TTC21B: variants seen among roughly 807,000 people sequenced by gnomAD.
TTC21B encodes the protein tetratricopeptide repeat domain 21B, also known as tetratricopeptide repeat protein 21B.
In TTC21B, 127 loss-of-function variants were observed where a neutral mutation model predicts 175.1. The observed-to-expected ratio is 0.73, with a 90% CI of 0.63 to 0.84. The LOEUF is 0.84. TTC21B is among the 40% of genes least tolerant of loss of function. TTC21B has a pLI of 0.00. For missense variants in TTC21B, 1,561 were observed against 1,558.3 expected (o/e 1.00, Z -0.03); for synonymous variants, 524 against 524.5 (o/e 1.00, Z 0.01).
At chr2:165,907,822 T>C in intron 18 of TTC21B, 38 bp from the exon 19 acceptor site, 2 of 1,367,954 alleles carry the variant, frequency 1.5e-6, no homozygotes, top group South Asian at 2.4e-5. Flanking sequence ...AAATTATTCA[T>C]CTTAAATAAA....
At position 165,942,108 on chromosome 2, in the gene TTC21B, T is replaced by C. The variant is rs78464340; in HGVS notation, c.553-924A>G. Among the ~76,000 whole-genome samples the C allele has an allele frequency of 4.9e-4, 75 of 152,294 alleles. No homozygotes were observed. The East Asian group carries it at 0.014, about 27-fold the overall frequency. ...ATATGGCCAATTTCTTCAGCAGTGC[T>C]ATTAGGTAAAACTTGAGGGTAGTGG... On this transcript the variant is annotated intron_variant, in intron 5 of 28. Coordinates refer to ENST00000243344, the MANE Select transcript of TTC21B (RefSeq NM_024753.5).
Position 165,912,603 on chromosome 2 carries a change from A to G in TTC21B, c.2233T>C (p.Tyr745His), listed in dbSNP as rs769153733. The G allele has an allele frequency of 1.9e-6, 3 of 1,614,110 alleles. No homozygotes were observed. Among genetic ancestry groups the G allele is most frequent in the Non-Finnish European group, 2.5e-6 (3 of 1,179,988 alleles). The change falls in exon 17 of 29, where the codon TAT becomes CAT. Residue 745 changes from tyrosine to histidine, a missense_variant. Tyr to His is a moderately conservative substitution (Grantham distance 83). Coordinates refer to ENST00000243344, the MANE Select transcript of TTC21B (RefSeq NM_024753.5). ...GGGTTCTGATTTAATGCTTGCTCAT[A>G]TGCTACTATGGCTTCTTCAGGCTAA... Reference protein sequence around the residue: ...ILEPEEAIVAYEQALNQNPKD... With the variant: ...ILEPEEAIVAHEQALNQNPKD...
chr2:165,933,161 A>G, intron 6 of TTC21B, 104 bp from the exon 7 acceptor site: 2 of 865,406 alleles, frequency 2.3e-6, no homozygotes, highest in South Asian at 3.0e-5. Flanking sequence ...CACTGTTCAA[A>G]TAAGTAATTT....
At chr2:165,923,787 A>G (rs1167983324) in intron 12 of TTC21B, among the ~76,000 whole-genome samples, 2 of 119,224 alleles carry the variant, frequency 1.7e-5, no homozygotes, top group Non-Finnish European at 3.4e-5. Context: ...TCTCACTCCC[A>G]TCACTGACGC....
intron 4 of TTC21B, among the ~76,000 whole-genome samples, chr2:165,944,264 C>T (rs899365402): frequency 6.6e-6 from 1 of 152,122 alleles, no homozygotes; most frequent in African/African-American, 2.4e-5. Flanking sequence ...ACCAGAAATA[C>T]AGCATGTCTT....
chr2:165,886,546 A>G (rs1033352493), intron 25 of TTC21B, among the ~76,000 whole-genome samples: 4 of 152,244 alleles, frequency 2.6e-5, no homozygotes, highest in South Asian at 2.1e-4. Flanking sequence ...TTCAGCTCAT[A>G]TATCATTGTC....
chr2:165,905,279 A>G (rs978974905), intron 19 of TTC21B, among the ~76,000 whole-genome samples: 4 of 152,178 alleles, frequency 2.6e-5, no homozygotes, highest in Admixed American at 2.6e-4. Context: ...CTCAGATAAA[A>G]GTCAAGAAAA....
intron 3 of TTC21B, 51 bp from the exon 4 acceptor site, chr2:165,945,741 TTA>T: frequency 6.3e-7 from 1 of 1,576,414 alleles, no homozygotes; most frequent in Non-Finnish European, 8.7e-7. Flanking sequence ...GATCAGGTAT[TTA>T]TAATAGGTCA....
intron 3 of TTC21B, chr2:165,947,193 T>TATATATATATATATATATATATATATATA (rs61351063): frequency 2.7e-4 from 37 of 134,714 alleles, no homozygotes; most frequent in African/African-American, 5.7e-4. Context: ...TATATATATA[T>TATATATATATATATATATATATATATATA]TAGTATCTGC....
At chr2:165,880,140 C>A (rs959037681) in intron 27 of TTC21B, among the ~76,000 whole-genome samples, 2 of 152,008 alleles carry the variant, frequency 1.3e-5, no homozygotes, top group African/African-American at 2.4e-5. Flanking sequence ...CTGTTAGGGA[C>A]ACTGTAGACT....
At chr2:165,901,954 A>G in intron 19 of TTC21B, 44 bp from the exon 20 acceptor site, 1 of 1,517,528 alleles carries the variant, frequency 6.6e-7, no homozygotes, top group Non-Finnish European at 9.1e-7. Context: ...AAAAAAGGAA[A>G]TTAAATTCTC....
chr2:165,889,996 C>G (rs926134636), intron 24 of TTC21B, among the ~76,000 whole-genome samples: 2 of 152,132 alleles, frequency 1.3e-5, no homozygotes, highest in African/African-American at 2.4e-5. Context: ...GCAGTCAGGA[C>G]TCAGTCTAAA....
At chr2:165,919,152 A>ATTTTTTTTTTTT in intron 13 of TTC21B, 124 bp downstream of exon 13, 1 of 1,163,924 alleles carries the variant, frequency 8.6e-7, no homozygotes. Flanking sequence ...TGTGAGTTCC[A>ATTTTTTTTTTTT]TTTTTTTTTC....
At chr2:165,940,070 G>T (rs774886460) in intron 6 of TTC21B, among the ~76,000 whole-genome samples, 13 of 152,144 alleles carry the variant, frequency 8.5e-5, no homozygotes, top group Non-Finnish European at 1.9e-4. Context: ...CATCATTGTT[G>T]TTGTTATTCT....
At chr2:165,898,878 G>A in intron 21 of TTC21B, 111 bp from the exon 22 acceptor site, 1 of 725,906 alleles carries the variant, frequency 1.4e-6, no homozygotes, top group Admixed American at 2.0e-5. Flanking sequence ...TGAGGAGGGG[G>A]CAGCATTTTA....
intron 11 of TTC21B, among the ~76,000 whole-genome samples, chr2:165,927,284 ATCCTAGTAGTTATATATATATATT>A (rs1686700353): frequency 1.9e-5 from 1 of 51,830 alleles, no homozygotes; most frequent in African/African-American, 9.7e-5. Context: ...ATATATATAT[ATCCTAGTAGTTATATATATATATT>A]ATATATTATA....
chr2:165,896,834 C>G (rs778683072), intron 22 of TTC21B, among the ~76,000 whole-genome samples: 46 of 152,208 alleles, frequency 3.0e-4, no homozygotes, highest in Admixed American at 5.9e-4. Flanking sequence ...TAAAAGATAA[C>G]ATTTCCCACC....
intron 18 of TTC21B, 139 bp downstream of exon 18, chr2:165,911,188 G>T: frequency 9.6e-7 from 1 of 1,039,802 alleles, no homozygotes; most frequent in Non-Finnish European, 1.4e-6. Flanking sequence ...GTGGCATTCT[G>T]ATAAAAGAAA....
intron 5 of TTC21B, among the ~76,000 whole-genome samples, chr2:165,941,695 C>A (rs575867450): frequency 1.3e-5 from 2 of 151,926 alleles, no homozygotes; most frequent in East Asian, 3.9e-4. Context: ...TTGGACAAGA[C>A]CACAAGGAAG....
Sources: allele counts gnomAD v4.1 joint callset (sites outside exome capture counted in the v4.1 genomes callset), GRCh38; gene constraint gnomAD v4.1.1; transcripts MANE v1.5; gene names NCBI Gene and HGNC (gene_info 2026-07-23, HGNC 2026-07-21).